CNN3: variants seen among roughly 807,000 people sequenced by gnomAD.
CNN3 encodes the protein calponin-3.
In CNN3, 11 loss-of-function variants were observed where a neutral mutation model predicts 39.0. The ratio of observed to expected loss-of-function variants is 0.28; its 90% CI spans 0.18 to 0.47. The LOEUF is 0.47. Ranked by LOEUF, CNN3 falls within the 20% of genes least tolerant of loss-of-function variation. The pLI, the probability that CNN3 is intolerant of heterozygous loss-of-function variation, is 0.99. For synonymous variants in CNN3, 101 were observed against 138.3 expected (o/e 0.73, Z 1.89); for missense variants, 266 against 403.4 (o/e 0.66, Z 2.92).
rs956854248 is a variant in CNN3 at position 94,903,536 on chromosome 1, G to A, written c.58-12C>T. ...TACTTGGAAGCAATCTGAAATACAGGTTAACTCACTTTAGAAGAATTTCAC... is the reference window on the plus strand; with the variant it reads ...TACTTGGAAGCAATCTGAAATACAGATTAACTCACTTTAGAAGAATTTCAC... On this transcript the variant is annotated splice_polypyrimidine_tract_variant and intron_variant, in intron 1 of 6. Transcript: ENST00000370206. 4.3e-6 allele frequency: 7 copies of A among 1,613,568 alleles called. 1 individual carries two copies. The Admixed American group carries it at 5.0e-5, about 12-fold the overall frequency.
rs1553216759 is a variant in CNN3 at position 94,908,847 on chromosome 1, T to TA, written c.58-5324dup. Reference sequence around the variant, plus strand: ...GCCAATTCCAAAATAATAATTTTTTTAAAAAAATTAGGCTGGGCCAGGCAT... The same window carrying TA: ...GCCAATTCCAAAATAATAATTTTTTTAAAAAAAATTAGGCTGGGCCAGGCAT... On this transcript the variant is annotated intron_variant, in intron 1 of 6. Coordinates refer to ENST00000370206, the MANE Select transcript of CNN3 (RefSeq NM_001839.5). Among the ~76,000 whole-genome samples the TA allele has an allele frequency of 3.1e-3, 474 of 151,612 alleles. 1 individual carries two copies. Among genetic ancestry groups the TA allele is most frequent in the African/African-American group, 7.1e-3 (294 of 41,360 alleles).
At chr1:94,902,442 C>T (rs1670893752) in intron 3 of CNN3, among the ~76,000 whole-genome samples, 184 bp from the exon 4 acceptor site, 1 of 152,198 alleles carries the variant, frequency 6.6e-6, no homozygotes, top group Non-Finnish European at 1.5e-5. Context: ...GAGAGTGTGT[C>T]TCTCACTGTG....
At chr1:94,924,001 G>A (rs1341644237) in intron 1 of CNN3, among the ~76,000 whole-genome samples, 1 of 152,054 alleles carries the variant, frequency 6.6e-6, no homozygotes, top group Non-Finnish European at 1.5e-5. Context: ...AGACTCCCAG[G>A]TCCACTCCAC....
chr1:94,908,817 G>A (rs1367769537), intron 1 of CNN3, among the ~76,000 whole-genome samples: 8 of 150,522 alleles, frequency 5.3e-5, no homozygotes, highest in African/African-American at 1.5e-4. Flanking sequence ...CTGGGATTAC[G>A]CCCAGCCAAT....
chr1:94,925,693 A>AC, intron 1 of CNN3: 2 of 985,470 alleles, frequency 2.0e-6, no homozygotes, highest in Non-Finnish European at 2.4e-6. Flanking sequence ...TCCAGCTCTG[A>AC]CAATGCCAGT....
intron 5 of CNN3, 97 bp downstream of exon 5, chr1:94,901,572 G>A: frequency 1.3e-6 from 1 of 775,556 alleles, no homozygotes; most frequent in Non-Finnish European, 2.2e-6. Context: ...CAGTACTATA[G>A]TACTTCTGTC....
At chr1:94,922,890 C>T (rs928635006) in intron 1 of CNN3, among the ~76,000 whole-genome samples, 3 of 152,146 alleles carry the variant, frequency 2.0e-5, no homozygotes, top group Non-Finnish European at 4.4e-5. Context: ...AAGAAGATCC[C>T]GTGGGAAGCT....
Position 94,901,800 on chromosome 1 carries a change from G to T in CNN3, c.385-15C>A. 2 of 1,555,542 alleles carry T rather than the reference G, an allele frequency of 1.3e-6. No individual in the cohort carries two copies. The highest frequency in any genetic ancestry group is 1.8e-6 in the Non-Finnish European group (2 of 1,128,248). ...TTTGTTTTAGCCTAGACAGAAACAT[G>T]CACACTAACTGAAAAGGCCAACAGA... On this transcript the variant is annotated splice_polypyrimidine_tract_variant and intron_variant, in intron 4 of 6. Coordinates refer to ENST00000370206, the MANE Select transcript of CNN3 (RefSeq NM_001839.5).
intron 1 of CNN3, among the ~76,000 whole-genome samples, chr1:94,918,084 T>C (rs1291277552): frequency 2.0e-5 from 3 of 152,256 alleles, no homozygotes; most frequent in African/African-American, 7.2e-5. Context: ...GCTTAGACTC[T>C]GGCTTAACAT....
chr1:94,916,935 T>C (rs3860362), intron 1 of CNN3, among the ~76,000 whole-genome samples: 31,944 of 152,224 alleles, frequency 0.21, 3,539 homozygotes, highest in Non-Finnish European at 0.24. Context: ...ATTTCTTCCT[T>C]TGAATTCAAT....
chr1:94,896,984 T>TA lies in CNN3; in HGVS notation c.*757dup, dbSNP rs1392789551. 1 of 152,194 alleles carries TA rather than the reference T, an allele frequency of 6.6e-6. No homozygotes were observed. The highest frequency in any genetic ancestry group is 2.4e-5 in the African/African-American group (1 of 41,420). The allele number at this position is 152,194 out of a possible 1,614,324, so 9.4% of individuals were successfully genotyped here. ...AAAGTTCAAAAAAAATATTTATTTA[T>TA]AAAAAATACAATGGGATAAGTTTAT... On this transcript the variant is annotated 3_prime_UTR_variant, in exon 7 of 7. Coordinates refer to ENST00000370206, the MANE Select transcript of CNN3 (RefSeq NM_001839.5).
chr1:94,908,942 C>T (rs1489534018), intron 1 of CNN3, among the ~76,000 whole-genome samples: 1 of 147,512 alleles, frequency 6.8e-6, no homozygotes, highest in Non-Finnish European at 1.5e-5. Flanking sequence ...CCCAGGAGTT[C>T]GAGACCAGCC....
At chr1:94,908,793 A>G (rs1346546546) in intron 1 of CNN3, among the ~76,000 whole-genome samples, 1 of 152,040 alleles carries the variant, frequency 6.6e-6, no homozygotes, top group African/African-American at 2.4e-5. Context: ...CGCCCACCTC[A>G]GCCTCCCAAA....
Position 94,897,883 on chromosome 1 carries a change from G to A in CNN3, c.849C>T (p.Asn283=), listed in dbSNP as rs374373076. The A allele has an allele frequency of 1.5e-4, 250 of 1,613,962 alleles. 1 individual carries two copies. The highest frequency in any genetic ancestry group is 1.5e-3 in the Middle Eastern group (9 of 6,084). The change falls in exon 7 of 7, where the codon AAC becomes AAT. Residue 283 remains asparagine, a synonymous_variant. Transcript: ENST00000370206. Reference sequence around the variant, plus strand: ...CATTTGTTCCTGTTCCTTGGCTTCCGTTGTGAATGACAGGTTCTGTAGGAG... The same window carrying A: ...CATTTGTTCCTGTTCCTTGGCTTCCATTGTGAATGACAGGTTCTGTAGGAG... ...CAAPTEPVIH[N]GSQGTGTNGS... is the part of the protein sequence containing the mutation.
intron 1 of CNN3, among the ~76,000 whole-genome samples, chr1:94,916,007 G>A (rs1002074145): frequency 6.6e-6 from 1 of 152,080 alleles, no homozygotes; most frequent in Admixed American, 6.5e-5. Flanking sequence ...TTGGGCTGTT[G>A]CCTTTACTTG....
intron 1 of CNN3, among the ~76,000 whole-genome samples, chr1:94,908,365 C>T (rs940235316): frequency 2.0e-5 from 3 of 152,144 alleles, no homozygotes; most frequent in Non-Finnish European, 4.4e-5. Context: ...CTGTTGTGGT[C>T]GTGGTGGCGG....
chr1:94,916,362 T>C (rs766659998), intron 1 of CNN3, among the ~76,000 whole-genome samples: 69 of 152,046 alleles, frequency 4.5e-4, no homozygotes, highest in Non-Finnish European at 9.1e-4. Flanking sequence ...GCCAAGATCA[T>C]GCCACTGCAC....
chr1:94,907,004 GTGA>G (rs1671017876), intron 1 of CNN3, among the ~76,000 whole-genome samples: 1 of 152,212 alleles, frequency 6.6e-6, no homozygotes, highest in Admixed American at 6.5e-5. Flanking sequence ...TGTCAAGGAA[GTGA>G]TGAGATAGAA....
At chr1:94,920,600 T>A (rs1282858113) in intron 1 of CNN3, among the ~76,000 whole-genome samples, 1 of 152,186 alleles carries the variant, frequency 6.6e-6, no homozygotes, top group Non-Finnish European at 1.5e-5. Context: ...ATGAGTGTTA[T>A]GATATCCTCA....
Sources: allele counts gnomAD v4.1 joint callset (sites outside exome capture counted in the v4.1 genomes callset), GRCh38; gene constraint gnomAD v4.1.1; transcripts MANE v1.5; gene names NCBI Gene and HGNC (gene_info 2026-07-23, HGNC 2026-07-21).